BRIP1: variants seen among roughly 807,000 people sequenced by gnomAD.
BRIP1 encodes the protein Fanconi anemia group J protein.
Under a neutral mutation model 119.7 loss-of-function variants are expected in BRIP1, and 88 were observed. The observed-to-expected ratio is 0.74, with a 90% CI of 0.62 to 0.88. The LOEUF is 0.88. BRIP1 is among the 40% of genes least tolerant of loss of function. BRIP1 has a pLI of 0.00. For missense variants in BRIP1, 1,259 were observed against 1,455.4 expected, an observed-to-expected ratio of 0.87 and a Z score of 2.20; for synonymous variants, 443 against 496.5, an observed-to-expected ratio of 0.89 and a Z score of 1.43.
rs1361813975 is a variant in BRIP1 at position 61,753,344 on chromosome 17, A to C, written c.2098-8753T>G. Among the ~76,000 whole-genome samples, 2 of 152,208 alleles carry C rather than the reference A, an allele frequency of 1.3e-5. No individual in the cohort carries two copies. Among genetic ancestry groups the C allele is most frequent in the Admixed American group, 1.3e-4 (2 of 15,278 alleles). ...TGAACTAAGACAGTACCATTCATTCATACAGGCAACACTGGCAAAGGACCA... is the reference window on the plus strand; with the variant it reads ...TGAACTAAGACAGTACCATTCATTCCTACAGGCAACACTGGCAAAGGACCA... On this transcript the variant is annotated intron_variant, in intron 14 of 19. Transcript: ENST00000259008. The surrounding 1 kb of genome is among the most constrained non-coding windows in gnomAD (Gnocchi z 4.6).
intron 6 of BRIP1, among the ~76,000 whole-genome samples, chr17:61,817,664 A>G (rs2078257402): frequency 6.6e-6 from 1 of 152,230 alleles, no homozygotes; most frequent in Non-Finnish European, 1.5e-5. Flanking sequence ...AATTAGTACA[A>G]CTAACTGAAT....
In BRIP1 at chr17:61,744,395, A is replaced by G. The variant is rs2077028430; in HGVS notation, c.2257+37T>C. The G allele has an allele frequency of 6.3e-7, 1 of 1,598,932 alleles. No individual in the cohort carries two copies. The highest frequency in any genetic ancestry group is 1.3e-5 in the African/African-American group (1 of 74,528). ...GTACCTTCTTACTTTGTAATAAAAA[A>G]TATTTTTTCACCGACCATGAAATAA... On this transcript the variant is annotated intron_variant, in intron 15 of 19. Coordinates refer to ENST00000259008, the MANE Select transcript of BRIP1 (RefSeq NM_032043.3). This position sits in a 1 kb window ranked among gnomAD's most constrained non-coding sequence, Gnocchi z 5.0.
rs2144682563 is a variant in BRIP1 at position 61,743,202 on chromosome 17, C to T, written c.2258-68G>A. On this transcript the variant is annotated intron_variant, in intron 15 of 19. Transcript: ENST00000259008. The surrounding 1 kb of genome is among the most constrained non-coding windows in gnomAD (Gnocchi z 4.3). ...GCTTATTCTTGTCATTTTGAAAATA[C>T]CTGATTTATAATTATAGTAATTACA... 4 of 1,536,038 alleles carry T rather than the reference C, an allele frequency of 2.6e-6. No individual in the cohort carries two copies. Among genetic ancestry groups the T allele is most frequent in the Admixed American group, 3.4e-5 (2 of 59,526 alleles).
At position 61,753,444 on chromosome 17, in the gene BRIP1, T is replaced by C. The variant is rs918450393; in HGVS notation, c.2098-8853A>G. ...GAAATGTTGATATGGCAGTTGGGTA[T>C]ATGGGCATAGTACTTAAGGAAGAAG... is the stretch of plus-strand genomic sequence containing the variant. On this transcript the variant is annotated intron_variant, in intron 14 of 19. Transcript: ENST00000259008. The surrounding 1 kb of genome is among the most constrained non-coding windows in gnomAD (Gnocchi z 4.6). Among the ~76,000 whole-genome samples, 1 of 152,250 alleles carries C rather than the reference T, an allele frequency of 6.6e-6. No homozygotes were observed. The highest frequency in any genetic ancestry group is 2.4e-5 in the African/African-American group (1 of 41,538).
In BRIP1 at chr17:61,686,117, T is replaced by C. The variant is rs2144117334; in HGVS notation, c.2624A>G (p.Glu875Gly). 6.2e-7 allele frequency: 1 copy of C among 1,614,114 alleles called. No individual in the cohort carries two copies. Among genetic ancestry groups the C allele is most frequent in the Non-Finnish European group, 8.5e-7 (1 of 1,179,968 alleles). ...RQQIQHHSTF[E>G]SALESLAEFS... ...TTCAGCCAAGGATTCCAGTGCACTTTCAAAGGTTGAATGGTGCTGAATCTG... is the reference window on the plus strand; with the variant it reads ...TTCAGCCAAGGATTCCAGTGCACTTCCAAAGGTTGAATGGTGCTGAATCTG... Residue 875 changes from glutamate (E) to glycine (G), a missense_variant, in exon 19 of 20, where the codon GAA (glutamate) becomes GGA (glycine). Coordinates refer to ENST00000259008, the MANE Select transcript of BRIP1 (RefSeq NM_032043.3). This position sits in a 1 kb window ranked among gnomAD's most constrained non-coding sequence, Gnocchi z 5.4.
chr17:61,717,628 C>T lies in BRIP1; in HGVS notation c.2380-1565G>A, dbSNP rs1255978906. The stretch of plus-strand genomic sequence containing the variant: ...TCTGTAATGTTCCCCTTTCTTTTAG[C>T]GACTTTGGATTGGATTACAGTGTGC... On this transcript the variant is annotated intron_variant, in intron 16 of 19. Coordinates refer to ENST00000259008, the MANE Select transcript of BRIP1 (RefSeq NM_032043.3). The surrounding 1 kb of genome is among the most constrained non-coding windows in gnomAD (Gnocchi z 4.1). 2.0e-5 allele frequency among the ~76,000 whole-genome samples: 3 copies of T among 151,936 alleles called. No individual in the cohort carries two copies. The highest frequency in any genetic ancestry group is 2.1e-4 in the South Asian group (1 of 4,822).
chr17:61,837,773 G>C (rs1367200077), intron 6 of BRIP1, among the ~76,000 whole-genome samples: 1 of 152,050 alleles, frequency 6.6e-6, no homozygotes, highest in Non-Finnish European at 1.5e-5. Context: ...TTTGACATAT[G>C]AATTGTCAGA....
chr17:61,784,452 G>C (rs375084607), intron 10 of BRIP1, 28 bp from the exon 11 acceptor site: 76 of 1,579,652 alleles, frequency 4.8e-5, no homozygotes, highest in Non-Finnish European at 6.4e-5. Context: ...ATTAAGTATA[G>C]AGGGGTTGGG....
rs2078026277 is a variant in BRIP1, at chr17:61,803,458, T to A, written c.919-1984A>T. 6.6e-6 allele frequency among the ~76,000 whole-genome samples: 1 copy of A among 152,048 alleles called. No individual in the cohort carries two copies. Among genetic ancestry groups the A allele is most frequent in the African/African-American group, 2.4e-5 (1 of 41,404 alleles). On this transcript the variant is annotated intron_variant, in intron 7 of 19. Coordinates refer to ENST00000259008, the MANE Select transcript of BRIP1 (RefSeq NM_032043.3). This position sits in a 1 kb window ranked among gnomAD's most constrained non-coding sequence, Gnocchi z 4.3. Reference sequence around the variant, plus strand: ...TGGCTCATGCCTATAATCCCAACATTTTGAGAGGCCAAGGCCGGAGGACTG... The same window carrying A: ...TGGCTCATGCCTATAATCCCAACATATTGAGAGGCCAAGGCCGGAGGACTG...
At chr17:61,826,731 TAAAAAA>T (rs58466965) in intron 6 of BRIP1, among the ~76,000 whole-genome samples, 24 of 75,316 alleles carry the variant, frequency 3.2e-4, no homozygotes, top group Non-Finnish European at 5.2e-4. Flanking sequence ...TATTAAAAAG[TAAAAAA>T]AAAAAAAAAA....
Position 61,753,205 on chromosome 17 carries a change from A to T in BRIP1, c.2098-8614T>A, listed in dbSNP as rs1603307178. ...AGTTCCCACCAGCAAGAAGGCCCGC[A>T]CCAGATGCAGCCTCTCAGTCTTGAA... is the stretch of plus-strand genomic sequence containing the variant. On this transcript the variant is annotated intron_variant, in intron 14 of 19. Coordinates refer to ENST00000259008, the MANE Select transcript of BRIP1 (RefSeq NM_032043.3). The surrounding 1 kb of genome is among the most constrained non-coding windows in gnomAD (Gnocchi z 4.6). Among the ~76,000 whole-genome samples the T allele has an allele frequency of 6.6e-6, 1 of 152,146 alleles. No individual in the cohort carries two copies. Among genetic ancestry groups the T allele is most frequent in the South Asian group, 2.1e-4 (1 of 4,826 alleles).
Position 61,789,525 on chromosome 17 carries a change from TATAAC to T in BRIP1, c.1473+4067_1473+4071del, listed in dbSNP as rs1401144027. On this transcript the variant is annotated intron_variant, in intron 10 of 19. Coordinates refer to ENST00000259008, the MANE Select transcript of BRIP1 (RefSeq NM_032043.3). The surrounding 1 kb of genome is among the most constrained non-coding windows in gnomAD (Gnocchi z 4.8). The stretch of plus-strand genomic sequence containing the variant: ...AATACCTTAAAATTTTTAGGAGAAA[TATAAC>T]ATAGGATAAGAAAAGACTGCTTAAA... Among the ~76,000 whole-genome samples the T allele has an allele frequency of 6.6e-6, 1 of 152,006 alleles. No homozygotes were observed. Among genetic ancestry groups the T allele is most frequent in the East Asian group, 1.9e-4 (1 of 5,190 alleles).
chr17:61,768,111 G>C lies in BRIP1; in HGVS notation c.2097+8290C>G, dbSNP rs1027059132. Among the ~76,000 whole-genome samples, 1 of 152,144 alleles carries C rather than the reference G, an allele frequency of 6.6e-6. No individual in the cohort carries two copies. Among genetic ancestry groups the C allele is most frequent in the African/African-American group, 2.4e-5 (1 of 41,440 alleles). ...AAACTGAAATCTTCTTGAAGAGACA[G>C]TAACTTGTTTATTTTTGAATCTTTA... On this transcript the variant is annotated intron_variant, in intron 14 of 19. Coordinates refer to ENST00000259008, the MANE Select transcript of BRIP1 (RefSeq NM_032043.3). The surrounding 1 kb of genome is among the most constrained non-coding windows in gnomAD (Gnocchi z 5.0).
Position 61,753,685 on chromosome 17 carries a change from T to G in BRIP1, c.2098-9094A>C, listed in dbSNP as rs564373923. Among the ~76,000 whole-genome samples the G allele has an allele frequency of 3.4e-4, 52 of 151,506 alleles. No individual in the cohort carries two copies. Among genetic ancestry groups the G allele is most frequent in the Middle Eastern group, 3.4e-3 (1 of 294 alleles). On this transcript the variant is annotated intron_variant, in intron 14 of 19. Transcript: ENST00000259008. The surrounding 1 kb of genome is among the most constrained non-coding windows in gnomAD (Gnocchi z 4.6). ...GGTGTGATCACAGCTCATTGTAGCC[T>G]CACATTCCTGGGCTCAAGCGATCCT... is the stretch of plus-strand genomic sequence containing the variant.
At position 61,778,870 on chromosome 17, in the gene BRIP1, G is replaced by A. The variant is rs2077573559; in HGVS notation, c.1935+1391C>T. 6.6e-6 allele frequency among the ~76,000 whole-genome samples: 1 copy of A among 152,160 alleles called. No individual in the cohort carries two copies. The highest frequency in any genetic ancestry group is 6.5e-5 in the Admixed American group (1 of 15,282). ...GCCGTAGTTGCTCCCAAGTAATTGT[G>A]AGGACCAAAAATGTTCCCACCTATA... On this transcript the variant is annotated intron_variant, in intron 13 of 19. Transcript: ENST00000259008. The surrounding 1 kb of genome is among the most constrained non-coding windows in gnomAD (Gnocchi z 4.4).
chr17:61,696,193 T>G (rs1248046286), intron 17 of BRIP1, among the ~76,000 whole-genome samples: 1 of 116,068 alleles, frequency 8.6e-6, no homozygotes, highest in Non-Finnish European at 1.8e-5. Flanking sequence ...GAATACTGTT[T>G]TATGCTTTTT....
In BRIP1 at chr17:61,721,332, C is replaced by T. The variant is rs577876370; in HGVS notation, c.2380-5269G>A. Among the ~76,000 whole-genome samples the T allele has an allele frequency of 2.8e-5, 4 of 141,168 alleles. No individual in the cohort carries two copies. The East Asian group carries it at 6.4e-4, about 22-fold the overall frequency. 92.6% of individuals were successfully genotyped at this position (141,168 alleles called of 152,430 possible). On this transcript the variant is annotated intron_variant, in intron 16 of 19. Coordinates refer to ENST00000259008, the MANE Select transcript of BRIP1 (RefSeq NM_032043.3). ...GTCACCAGGCCGGAGTGCAGTGGCG[C>T]GATCTTGGCTCACTGCAACCTCTGC... is the stretch of plus-strand genomic sequence containing the variant.
In BRIP1 at chr17:61,827,601, C is replaced by G. The variant is rs1403223790; in HGVS notation, c.628-18844G>C. 2.6e-4 allele frequency among the ~76,000 whole-genome samples: 39 copies of G among 152,042 alleles called. 1 individual carries two copies. Among genetic ancestry groups the G allele is most frequent in the Admixed American group, 2.6e-3 (39 of 15,264 alleles). ...AAAATTAGCCAGGCGTGGGGGCACA[C>G]ACCTGTAATCCCAGCTATTCGGGAG... On this transcript the variant is annotated intron_variant, in intron 6 of 19. Coordinates refer to ENST00000259008, the MANE Select transcript of BRIP1 (RefSeq NM_032043.3). The surrounding 1 kb of genome is among the most constrained non-coding windows in gnomAD (Gnocchi z 5.8).
At position 61,784,414 on chromosome 17, in the gene BRIP1, G is replaced by GA. The variant is rs1555603622; in HGVS notation, c.1483dup (p.Ser495PhefsTer16). ...TTTTTCCTCTTTTTGAAGAACAGCA[G>GA]AAAAATGTCCCTATAAGAAATTACC... On this transcript the variant is annotated frameshift_variant, in exon 11 of 20. Coordinates refer to ENST00000259008, the MANE Select transcript of BRIP1 (RefSeq NM_032043.3). LOFTEE classifies it high-confidence loss of function. 1 of 1,612,790 alleles carries GA rather than the reference G, an allele frequency of 6.2e-7. No homozygotes were observed. Among genetic ancestry groups the GA allele is most frequent in the East Asian group, 2.2e-5 (1 of 44,800 alleles).
Sources: allele counts gnomAD v4.1 joint callset (sites outside exome capture counted in the v4.1 genomes callset), GRCh38; gene constraint gnomAD v4.1.1; non-coding constraint Gnocchi (gnomAD v3.1); transcripts MANE v1.5; gene names NCBI Gene and HGNC (gene_info 2026-07-23, HGNC 2026-07-21).